The following EPSTI1 variants were observed in gnomAD, a reference collection of about 807,000 sequenced individuals.
EPSTI1 encodes the protein epithelial stromal interaction 1.
EPSTI1 carries 66 observed loss-of-function variants against 49.9 expected under a neutral mutation model. That is an observed-to-expected ratio of 1.32 (90% CI 1.08 to 1.62). The LOEUF (loss-of-function observed/expected upper bound fraction) is 1.62, where lower values mean the gene tolerates loss of function less well. Among genes scored for constraint, EPSTI1 ranks in the 40% most tolerant of loss-of-function variants. The pLI is 0.00. For missense variants in EPSTI1, 394 were observed against 365.5 expected (o/e 1.08, Z -0.64); for synonymous variants, 137 against 130.7 (o/e 1.05, Z -0.33).
chr13:42,971,187 T>G (rs1321852563), intron 1 of EPSTI1, among the ~76,000 whole-genome samples: 2 of 152,190 alleles, frequency 1.3e-5, no homozygotes, highest in African/African-American at 4.8e-5. Flanking sequence ...GGGACACAGG[T>G]TGAGCATAAT....
intron 6 of EPSTI1, among the ~76,000 whole-genome samples, chr13:42,943,716 G>A (rs571959533): frequency 1.3e-5 from 2 of 152,188 alleles, no homozygotes; most frequent in East Asian, 3.9e-4. Flanking sequence ...TACAGAGAAA[G>A]ACAAAAACTG....
At chr13:42,889,033 C>G (rs1158719251) in intron 10 of EPSTI1, among the ~76,000 whole-genome samples, 2 of 152,168 alleles carry the variant, frequency 1.3e-5, no homozygotes, top group Non-Finnish European at 2.9e-5. Flanking sequence ...GGAATACACA[C>G]CATTGCTGTT....
Position 42,888,448 on chromosome 13 carries a change from C to G in EPSTI1, c.*46G>C. ...CATTAAGAAAAAGCATCTCATGAGG[C>G]TTTTCGAGGTCAGTTGATGAAGGCC... On this transcript the variant is annotated 3_prime_UTR_variant, in exon 11 of 11. Coordinates refer to ENST00000313624, the MANE Select transcript of EPSTI1 (RefSeq NM_033255.5). 6.2e-7 allele frequency: 1 copy of G among 1,613,978 alleles called. No homozygotes were observed.
chr13:42,901,129 A>C (rs1321254905), intron 8 of EPSTI1, among the ~76,000 whole-genome samples: 1 of 152,180 alleles, frequency 6.6e-6, no homozygotes, highest in Admixed American at 6.5e-5. Context: ...TCCCATTTCA[A>C]AGACAAAAAA....
chr13:42,912,647 A>G (rs1229373827), intron 8 of EPSTI1, among the ~76,000 whole-genome samples: 1 of 152,196 alleles, frequency 6.6e-6, no homozygotes, highest in African/African-American at 2.4e-5. Context: ...TACAAACATT[A>G]AATAAGATGA....
chr13:42,976,463 G>A (rs2039884333), intron 1 of EPSTI1, among the ~76,000 whole-genome samples: 1 of 152,110 alleles, frequency 6.6e-6, no homozygotes. Context: ...CTCTTTTCCA[G>A]CAAGAGAATA....
chr13:42,934,588 C>G (rs1314355912), intron 6 of EPSTI1: 2 of 153,982 alleles, frequency 1.3e-5, no homozygotes, highest in Admixed American at 6.6e-5. Context: ...AGTACCTGTT[C>G]CTGACCTTTC....
At chr13:42,934,013 A>C in intron 6 of EPSTI1, 3 of 184,578 alleles carry the variant, frequency 1.6e-5, no homozygotes, top group Non-Finnish European at 3.5e-5. Context: ...TCAGAAAGCC[A>C]TGTAAAGATT....
At chr13:42,921,837 C>G (rs553952704) in intron 7 of EPSTI1, among the ~76,000 whole-genome samples, 1 of 150,366 alleles carries the variant, frequency 6.7e-6, no homozygotes, top group East Asian at 1.9e-4. Flanking sequence ...CAGGTTAAAG[C>G]AGGAGGAAAG....
intron 8 of EPSTI1, among the ~76,000 whole-genome samples, chr13:42,909,256 C>A (rs2037595076): frequency 6.6e-6 from 1 of 152,052 alleles, no homozygotes. Context: ...ACCCCCATTA[C>A]AAGGCTATCA....
chr13:42,983,508 G>A (rs1457811578), intron 1 of EPSTI1, among the ~76,000 whole-genome samples: 1 of 142,346 alleles, frequency 7.0e-6, no homozygotes, highest in Non-Finnish European at 1.5e-5. Context: ...AGTTTGCAGT[G>A]AGCTGAGACC....
Position 42,992,049 on chromosome 13 carries a change from G to C in EPSTI1, c.117C>G (p.Asp39Glu), listed in dbSNP as rs772966751. 6.2e-7 allele frequency: 1 copy of C among 1,613,350 alleles called. No individual in the cohort carries two copies. Among genetic ancestry groups the C allele is most frequent in the Non-Finnish European group, 8.5e-7 (1 of 1,180,040 alleles). The change falls in exon 1 of 11, where the codon GAC (aspartate) becomes GAG (glutamate). Residue 39 changes from aspartate (D) to glutamate (E), a missense_variant. Transcript: ENST00000313624. ...GGGCTGCCTCCAAACCCTCTCTCTG[G>C]TCTTCCACGGGGCTCAGCTCCCCTT... ...GRQGELSPVE[D>E]QREGLEAAPK...
chr13:42,894,122 T>C (rs760069205), intron 10 of EPSTI1, among the ~76,000 whole-genome samples: 1 of 152,262 alleles, frequency 6.6e-6, no homozygotes, highest in Non-Finnish European at 1.5e-5. Context: ...ACTAGATTAC[T>C]AGATGTCTTT....
chr13:42,938,601 C>A (rs1156350307), intron 6 of EPSTI1, among the ~76,000 whole-genome samples: 1 of 152,000 alleles, frequency 6.6e-6, no homozygotes, highest in African/African-American at 2.4e-5. Flanking sequence ...CAATAGAAGG[C>A]CGTTTCATCT....
At chr13:42,960,785 T>A (rs532040436) in intron 5 of EPSTI1, among the ~76,000 whole-genome samples, 1 of 152,302 alleles carries the variant, frequency 6.6e-6, no homozygotes, top group South Asian at 2.1e-4. Flanking sequence ...CCTTCCTACA[T>A]CTTCAAAGCC....
chr13:42,926,949 C>T (rs1007535168), intron 6 of EPSTI1, among the ~76,000 whole-genome samples: 6 of 150,642 alleles, frequency 4.0e-5, no homozygotes, highest in South Asian at 2.1e-4. Context: ...ATCATGGAGC[C>T]CTTTTGGACT....
intron 8 of EPSTI1, among the ~76,000 whole-genome samples, 192 bp downstream of exon 8, chr13:42,917,349 T>C (rs555409919): frequency 6.6e-6 from 1 of 152,234 alleles, no homozygotes; most frequent in East Asian, 1.9e-4. Flanking sequence ...CTAGGTACCA[T>C]GAAAGTTTTG....
At chr13:42,953,289 A>G (rs1209002156) in intron 6 of EPSTI1, among the ~76,000 whole-genome samples, 1 of 151,460 alleles carries the variant, frequency 6.6e-6, no homozygotes, top group East Asian at 1.9e-4. Context: ...AAAGAGTTTT[A>G]GTGAGAGCTA....
At chr13:42,915,794 A>G (rs1398949843) in intron 8 of EPSTI1, among the ~76,000 whole-genome samples, 1 of 152,200 alleles carries the variant, frequency 6.6e-6, no homozygotes, top group Non-Finnish European at 1.5e-5. Context: ...GTGTATATCA[A>G]TATTTATCTA....
Sources: gnomAD v4.1 joint callset for allele counts (sites outside exome capture counted in the v4.1 genomes callset) on GRCh38, gnomAD v4.1.1 for gene constraint, MANE v1.5 for transcripts, NCBI Gene and HGNC (gene_info 2026-07-23, HGNC 2026-07-21) for gene names.